CABYR: variants seen among roughly 807,000 people sequenced by gnomAD.
CABYR encodes the protein calcium-binding tyrosine phosphorylation-regulated protein.
CABYR carries 31 observed loss-of-function variants against 36.1 expected under a neutral mutation model. The observed-to-expected ratio is 0.86, with a 90% confidence interval of 0.64 to 1.16. The LOEUF (loss-of-function observed/expected upper bound fraction) is 1.16, where lower values mean the gene tolerates loss of function less well. Among genes scored for constraint, CABYR ranks in the 50% most tolerant of loss-of-function variants. The probability of loss-of-function intolerance (pLI) is 0.00; values close to 1 mark genes in which losing one functional copy is unlikely to be tolerated. For missense variants in CABYR, 429 were observed against 455.8 expected (o/e 0.94, Z 0.53); for synonymous variants, 146 against 160.7 (o/e 0.91, Z 0.69).
At chr18:24,150,017 G>A (rs1380631886) in intron 3 of CABYR, among the ~76,000 whole-genome samples, 1 of 152,276 alleles carries the variant, frequency 6.6e-6, no homozygotes, top group Non-Finnish European at 1.5e-5. Flanking sequence ...GCAGCGGTGG[G>A]CTGAAGGGCT....
chr18:24,155,679 C>T, intron 3 of CABYR, 22 bp from the exon 4 acceptor site: 2 of 1,494,852 alleles, frequency 1.3e-6, no homozygotes, highest in South Asian at 1.3e-5. Context: ...GTTAATTAAC[C>T]CATCTGGTTG....
chr18:24,160,415 T>C (rs1377287900), intron 5 of CABYR: 1 of 247,646 alleles, frequency 4.0e-6, no homozygotes, highest in Admixed American at 5.1e-5. Flanking sequence ...AGTTGGCATG[T>C]TTAGGGAGTA....
At chr18:24,142,578 T>C (rs563798609) in intron 1 of CABYR, among the ~76,000 whole-genome samples, 22 of 152,076 alleles carry the variant, frequency 1.4e-4, no homozygotes, top group Non-Finnish European at 2.5e-4. Flanking sequence ...GCTTTTCCTA[T>C]GGATTTCTAT....
chr18:24,161,072 GGAAAACAGATTA>G (rs146867830), intron 5 of CABYR, among the ~76,000 whole-genome samples: 1,858 of 152,284 alleles, frequency 0.012, 38 homozygotes, highest in African/African-American at 0.043. Context: ...GCTGCTATGT[GGAAAACAGATTA>G]GCAGTAAGGG....
chr18:24,156,943 C>T (rs2085806709), intron 4 of CABYR: 1 of 1,611,694 alleles, frequency 6.2e-7, no homozygotes, highest in Non-Finnish European at 8.5e-7. Flanking sequence ...GGCCTTACTG[C>T]ACCAGAAATT....
intron 1 of CABYR, chr18:24,139,956 C>G (rs1329869792): frequency 1.4e-5 from 2 of 145,958 alleles, no homozygotes; most frequent in South Asian, 4.4e-4. Context: ...TTGAGACGGA[C>G]TCTAGCTGTG....
At chr18:24,143,840 T>C (rs1037369345) in intron 3 of CABYR, among the ~76,000 whole-genome samples, 12 of 152,022 alleles carry the variant, frequency 7.9e-5, no homozygotes, top group African/African-American at 2.9e-4. Flanking sequence ...ATTTCATAGT[T>C]ATAAAGACTC....
intron 1 of CABYR, among the ~76,000 whole-genome samples, chr18:24,140,931 T>G (rs529334300): frequency 6.6e-6 from 1 of 152,366 alleles, no homozygotes; most frequent in Admixed American, 6.5e-5. Flanking sequence ...CACATTTTCT[T>G]TATCCATTCA....
chr18:24,142,363 G>A (rs968263340), intron 1 of CABYR, among the ~76,000 whole-genome samples: 2 of 122,222 alleles, frequency 1.6e-5, no homozygotes, highest in African/African-American at 6.1e-5. Flanking sequence ...GAAAAATAAG[G>A]AAAAACATTT....
rs185035755 is a variant in CABYR at position 24,144,609 on chromosome 18, C to G, written c.199+1196C>G. Among the ~76,000 whole-genome samples, 3 of 152,214 alleles carry G rather than the reference C, an allele frequency of 2.0e-5. No homozygotes were observed. In the East Asian group the frequency reaches 5.8e-4, roughly 29 times the overall value. ...AGTGAGACCCCCATCTCTAAACAAA[C>G]AAACAAAAGAAAACAAAAACACCCA... On this transcript the variant is annotated intron_variant, in intron 3 of 5. Coordinates refer to ENST00000399496, the MANE Select transcript of CABYR (RefSeq NM_153769.3).
At chr18:24,160,482 A>C (rs974667400) in intron 5 of CABYR, among the ~76,000 whole-genome samples, 1 of 152,188 alleles carries the variant, frequency 6.6e-6, no homozygotes, top group Non-Finnish European at 1.5e-5. Flanking sequence ...TGATTATGTA[A>C]CAGAACACTT....
Position 24,156,021 on chromosome 18 carries a change from C to T in CABYR, c.520C>T (p.Gln174Ter), listed in dbSNP as rs749069864. Residue 174 changes from glutamine to a stop codon, truncating the protein, a stop_gained, in exon 4 of 6, where the codon CAG becomes TAG. Coordinates refer to ENST00000399496, the MANE Select transcript of CABYR (RefSeq NM_153769.3). LOFTEE classifies it high-confidence loss of function. ...TGCCTACGTCCCAGCTGACCCAGCT[C>T]AGCTTGCTGCTCAGATGTTAGGTAA... Reference protein sequence around the residue: ...EFAYVPADPAQLAAQMLAMAT... With the variant: ...EFAYVPADPA The T allele has an allele frequency of 1.9e-6, 3 of 1,614,220 alleles. No homozygotes were observed. The highest frequency in any genetic ancestry group is 2.5e-6 in the Non-Finnish European group (3 of 1,180,040).
chr18:24,140,429 T>C (rs1168943536), intron 1 of CABYR, among the ~76,000 whole-genome samples: 1 of 152,186 alleles, frequency 6.6e-6, no homozygotes, highest in Non-Finnish European at 1.5e-5. Context: ...AAAAAATTCT[T>C]TTTTTGTGAG....
At chr18:24,143,600 G>A (rs1037317388) in intron 3 of CABYR, among the ~76,000 whole-genome samples, 187 bp downstream of exon 3, 2 of 151,972 alleles carry the variant, frequency 1.3e-5, no homozygotes, top group Non-Finnish European at 2.9e-5. Context: ...GGAGTGCAGC[G>A]GCGCCGTCAT....
intron 4 of CABYR, chr18:24,156,702 C>G: frequency 6.2e-7 from 1 of 1,614,204 alleles, no homozygotes; most frequent in Non-Finnish European, 8.5e-7. Context: ...GGTACCTGCA[C>G]AACTCCTGGA....
At chr18:24,161,374 A>C in intron 5 of CABYR, 142 bp from the exon 6 acceptor site, 1 of 567,004 alleles carries the variant, frequency 1.8e-6, no homozygotes, top group South Asian at 2.6e-5. Flanking sequence ...GGGATATTTC[A>C]GTGCAAAAGC....
At chr18:24,139,202 G>GA (rs2085237326) in intron 1 of CABYR, 84 bp downstream of exon 1, 1 of 151,816 alleles carries the variant, frequency 6.6e-6, no homozygotes, top group Non-Finnish European at 1.5e-5. Context: ...GGGAGAGGTC[G>GA]TCGGGGCAGG....
intron 5 of CABYR, 121 bp downstream of exon 5, chr18:24,160,190 ACTCTAACTTCCTGGGGTTACTGT>A: frequency 1.3e-6 from 1 of 741,530 alleles, no homozygotes; most frequent in South Asian, 1.8e-5. Flanking sequence ...GTTGGGGTAT[ACTCTAACTTCCTGGGGTTACTGT>A]CTCCAACTTC....
In CABYR at chr18:24,159,906, C is replaced by A. The variant is rs1435312018; in HGVS notation, c.976C>A (p.Pro326Thr). The A allele has an allele frequency of 6.2e-7, 1 of 1,614,116 alleles. No individual in the cohort carries two copies. The highest frequency in any genetic ancestry group is 1.1e-5 in the South Asian group (1 of 91,070). ...TCCAAGTGGACAAGATGTCCCCAGGCCAAAAAGCCCTGTTTTCCTTTCTGT... is the reference window on the plus strand; with the variant it reads ...TCCAAGTGGACAAGATGTCCCCAGGACAAAAAGCCCTGTTTTCCTTTCTGT... The part of the protein sequence containing the change: ...NPPSGQDVPR[P>T]KSPVFLSVAF... Residue 326 changes from proline (P) to threonine (T), a missense_variant, in exon 5 of 6, where the codon CCA becomes ACA. Coordinates refer to ENST00000399496, the MANE Select transcript of CABYR (RefSeq NM_153769.3).
Sources: gnomAD v4.1 joint callset for allele counts (sites outside exome capture counted in the v4.1 genomes callset) on GRCh38, gnomAD v4.1.1 for gene constraint, MANE v1.5 for transcripts, NCBI Gene and HGNC (gene_info 2026-07-23, HGNC 2026-07-21) for gene names.